CCSER1: variants seen among roughly 807,000 people sequenced by gnomAD.
The protein encoded by CCSER1 is serine-rich coiled-coil domain-containing protein 1.
CCSER1 carries 41 observed loss-of-function variants against 82.0 expected under a neutral mutation model. The observed-to-expected ratio is 0.50, with a 90% CI of 0.39 to 0.65. The LOEUF is 0.65. CCSER1 is among the 30% of genes least tolerant of loss of function. The pLI is 0.00. For missense variants in CCSER1, 1,119 were observed against 1,064.2 expected (o/e 1.05, Z -0.72); for synonymous variants, 414 against 383.9 (o/e 1.08, Z -0.92).
At position 91,080,544 on chromosome 4, in the gene CCSER1, G is replaced by A. The variant is rs147194975; in HGVS notation, c.2173-5406G>A. 9.3e-3 allele frequency among the ~76,000 whole-genome samples: 1,417 copies of A among 152,258 alleles called. 15 individuals carry two copies. The highest frequency in any genetic ancestry group is 0.015 in the Non-Finnish European group (1,014 of 68,002). On this transcript the variant is annotated intron_variant, in intron 9 of 10. Transcript: ENST00000509176. ...GAGCAAACACATTCAAAAGCTAGCA[G>A]AAGGCAAGAAATAACTAAGATCAGA...
intron 10 of CCSER1, among the ~76,000 whole-genome samples, chr4:91,217,286 C>T (rs1380839786): frequency 2.6e-5 from 4 of 152,214 alleles, no homozygotes; most frequent in Non-Finnish European, 4.4e-5. Flanking sequence ...TATCTGGCCC[C>T]ACCCACATCC....
chr4:90,751,358 G>GTT (rs1340221192), intron 7 of CCSER1, among the ~76,000 whole-genome samples: 1 of 152,076 alleles, frequency 6.6e-6, no homozygotes, highest in Non-Finnish European at 1.5e-5. Context: ...TAAAAACAGC[G>GTT]TAAGTGGTAA....
chr4:90,461,117 G>GCGGAC (rs1762859787), intron 4 of CCSER1, among the ~76,000 whole-genome samples: 2 of 102,650 alleles, frequency 1.9e-5, no homozygotes, highest in Admixed American at 9.4e-5. Context: ...CCAGGCTGGA[G>GCGGAC]TGCAGTGGCG....
chr4:90,926,944 A>G (rs1224372395), intron 9 of CCSER1, among the ~76,000 whole-genome samples: 1 of 152,018 alleles, frequency 6.6e-6, no homozygotes, highest in African/African-American at 2.4e-5. Context: ...TTTTTTATCT[A>G]ATTACATCAA....
chr4:90,158,363 C>T (rs1728726916), intron 1 of CCSER1, among the ~76,000 whole-genome samples: 3 of 152,190 alleles, frequency 2.0e-5, no homozygotes. Flanking sequence ...TGCCCGTTCT[C>T]AGATCTCCAG....
At chr4:91,021,158 GTTTA>G (rs1739926689) in intron 9 of CCSER1, among the ~76,000 whole-genome samples, 1 of 152,028 alleles carries the variant, frequency 6.6e-6, no homozygotes, top group African/African-American at 2.4e-5. Context: ...ATTTCTCATT[GTTTA>G]TTTACATAAA....
At chr4:91,471,996 G>GA (rs1237783314) in intron 10 of CCSER1, among the ~76,000 whole-genome samples, 1 of 147,442 alleles carries the variant, frequency 6.8e-6, no homozygotes, top group Non-Finnish European at 1.5e-5. Context: ...AGAAAAAAAA[G>GA]AAAAAAACTA....
intron 10 of CCSER1, among the ~76,000 whole-genome samples, chr4:91,295,974 C>G (rs1203591327): frequency 1.3e-5 from 2 of 151,758 alleles, no homozygotes; most frequent in African/African-American, 4.8e-5. Flanking sequence ...AGATGTATGC[C>G]TTCTATAAGT....
At chr4:90,707,023 C>T (rs1218468770) in intron 6 of CCSER1, among the ~76,000 whole-genome samples, 1 of 152,058 alleles carries the variant, frequency 6.6e-6, no homozygotes, top group East Asian at 1.9e-4. Flanking sequence ...TTTTCCTGCT[C>T]CCCTCATAAT....
In CCSER1 at chr4:90,251,432, A is replaced by G. The variant is rs148008958; in HGVS notation, c.-41-56812A>G. Among the ~76,000 whole-genome samples, 7 of 151,994 alleles carry G rather than the reference A, an allele frequency of 4.6e-5. No homozygotes were observed. In the East Asian group the frequency reaches 1.4e-3, roughly 29 times the overall value. On this transcript the variant is annotated intron_variant, in intron 1 of 10. Coordinates refer to ENST00000509176, the MANE Select transcript of CCSER1 (RefSeq NM_001145065.2). Reference sequence around the variant, plus strand: ...TAGTTTGCTGAGAGTTTTTATCATGAAAGTTGTGTTGGAATTTGTCCCATG... The same window carrying G: ...TAGTTTGCTGAGAGTTTTTATCATGGAAGTTGTGTTGGAATTTGTCCCATG...
intron 1 of CCSER1, among the ~76,000 whole-genome samples, chr4:90,161,835 G>A (rs1729512165): frequency 6.6e-6 from 1 of 152,080 alleles, no homozygotes; most frequent in African/African-American, 2.4e-5. Context: ...ATAGCAGATA[G>A]ATGCACAAAG....
intron 5 of CCSER1, among the ~76,000 whole-genome samples, chr4:90,488,969 A>G (rs550159442): frequency 2.3e-4 from 35 of 152,256 alleles, no homozygotes; most frequent in Admixed American, 3.9e-4. Context: ...ATTTTATTGT[A>G]TGGAAAATTT....
intron 5 of CCSER1, among the ~76,000 whole-genome samples, chr4:90,626,824 C>CCTA: frequency 6.6e-6 from 1 of 152,074 alleles, no homozygotes; most frequent in African/African-American, 2.4e-5. Flanking sequence ...TACATGACTG[C>CCTA]CTGAGGTTCA....
At chr4:91,263,783 C>G (rs975782938) in intron 10 of CCSER1, among the ~76,000 whole-genome samples, 1 of 151,764 alleles carries the variant, frequency 6.6e-6, no homozygotes, top group East Asian at 1.9e-4. Flanking sequence ...ATTGGAAAAT[C>G]TTTTTTAAAT....
At position 90,421,973 on chromosome 4, in the gene CCSER1, C is replaced by A. The variant is rs144057071; in HGVS notation, c.1603+21844C>A. Among the ~76,000 whole-genome samples the A allele has an allele frequency of 4.3e-3, 651 of 152,182 alleles. 6 individuals carry two copies. Among genetic ancestry groups the A allele is most frequent in the African/African-American group, 0.015 (630 of 41,532 alleles). On this transcript the variant is annotated intron_variant, in intron 4 of 10. Coordinates refer to ENST00000509176, the MANE Select transcript of CCSER1 (RefSeq NM_001145065.2). ...GGTTGGTGGTTTTGGGCCTCAGTCT[C>A]CCTACTGAGGGAGGGAGAAGGATAG...
chr4:90,399,868 T>C (rs1274172771), intron 3 of CCSER1, among the ~76,000 whole-genome samples, 168 bp from the exon 4 acceptor site: 3 of 152,154 alleles, frequency 2.0e-5, no homozygotes, highest in Non-Finnish European at 2.9e-5. Flanking sequence ...GAATTTTTTA[T>C]TGGACTGATA....
intron 6 of CCSER1, among the ~76,000 whole-genome samples, chr4:90,722,022 T>G (rs1323778893): frequency 1.3e-5 from 2 of 151,642 alleles, no homozygotes; most frequent in Non-Finnish European, 3.0e-5. Context: ...AAATTTGGAG[T>G]CTGCTTTTTA....
At chr4:91,000,768 A>C (rs755698045) in intron 9 of CCSER1, among the ~76,000 whole-genome samples, 1 of 152,062 alleles carries the variant, frequency 6.6e-6, no homozygotes, top group Non-Finnish European at 1.5e-5. Flanking sequence ...ATTTGAGTAC[A>C]TTGATTTTGT....
chr4:91,081,232 T>C (rs1722694040), intron 9 of CCSER1, among the ~76,000 whole-genome samples: 1 of 152,132 alleles, frequency 6.6e-6, no homozygotes. Context: ...GCTTCATCCC[T>C]GGGATGCAAG....
Sources: allele counts gnomAD v4.1 joint callset (sites outside exome capture counted in the v4.1 genomes callset), GRCh38; gene constraint gnomAD v4.1.1; transcripts MANE v1.5; gene names NCBI Gene and HGNC (gene_info 2026-07-23, HGNC 2026-07-21).